The following LPCAT1 variants were observed in gnomAD, a reference collection of about 807,000 sequenced individuals.
The protein encoded by LPCAT1 is lysophosphatidylcholine acyltransferase 1.
Under a neutral mutation model 60.9 loss-of-function variants are expected in LPCAT1, and 23 were observed. The ratio of observed to expected loss-of-function variants is 0.38; its 90% CI spans 0.27 to 0.53. The LOEUF (loss-of-function observed/expected upper bound fraction) is 0.53. LPCAT1 is among the 20% of genes least tolerant of loss of function. The pLI, the probability that LPCAT1 is intolerant of heterozygous loss-of-function variation, is 0.82. For missense variants in LPCAT1, 622 were observed against 723.6 expected, an observed-to-expected ratio of 0.86 and a Z score of 1.61; for synonymous variants, 340 against 301.1, an observed-to-expected ratio of 1.13 and a Z score of -1.34.
chr5:1,494,824 C>T lies in LPCAT1; in HGVS notation c.369G>A (p.Leu123=). 6.2e-7 allele frequency: 1 copy of T among 1,613,520 alleles called. No individual in the cohort carries two copies. The highest frequency in any genetic ancestry group is 1.7e-5 in the Admixed American group (1 of 60,012). The change falls in exon 3 of 14, where the codon CTG becomes CTA. Residue 123 remains leucine (L), a synonymous_variant. Transcript: ENST00000283415. ...HRVAVKGRQA[L]PTEAAILTLA... ...GCGTGAGGATGGCCGCCTCGGTGGGCAGCGCCTGCCGCCCCTTCACGGCCA... is the reference window on the plus strand; with the variant it reads ...GCGTGAGGATGGCCGCCTCGGTGGGTAGCGCCTGCCGCCCCTTCACGGCCA...
chr5:1,503,695 C>G (rs574380737), intron 1 of LPCAT1, among the ~76,000 whole-genome samples: 1 of 152,222 alleles, frequency 6.6e-6, no homozygotes, highest in Non-Finnish European at 1.5e-5. Context: ...AGCTCCTGAC[C>G]GTTGCTTCAC....
At chr5:1,491,681 C>A (rs949897504) in intron 3 of LPCAT1, among the ~76,000 whole-genome samples, 1 of 152,096 alleles carries the variant, frequency 6.6e-6, no homozygotes, top group Non-Finnish European at 1.5e-5. Context: ...CTGGGACTGG[C>A]GCATTTTGCC....
At chr5:1,468,299 A>C (rs1734522565) in intron 12 of LPCAT1, among the ~76,000 whole-genome samples, 1 of 152,196 alleles carries the variant, frequency 6.6e-6, no homozygotes, top group Admixed American at 6.5e-5. Flanking sequence ...TCCTGCTTTT[A>C]GATTTGCTGA....
At chr5:1,479,926 C>T (rs1735069049) in intron 7 of LPCAT1, among the ~76,000 whole-genome samples, 1 of 151,802 alleles carries the variant, frequency 6.6e-6, no homozygotes, top group Admixed American at 6.5e-5. Flanking sequence ...GACACCATCT[C>T]CTGCTTGTTC....
intron 1 of LPCAT1, among the ~76,000 whole-genome samples, chr5:1,503,299 G>A (rs760112768): frequency 7.2e-5 from 11 of 152,176 alleles, no homozygotes; most frequent in African/African-American, 2.7e-4. Context: ...GTTCCACATC[G>A]TGTTACTGGC....
chr5:1,518,964 C>T (rs4406174), intron 1 of LPCAT1, among the ~76,000 whole-genome samples: 14,016 of 152,300 alleles, frequency 0.092, 841 homozygotes, highest in East Asian at 0.17. Flanking sequence ...CTGCAGGAAG[C>T]GTGCAGAGCA....
chr5:1,470,996 G>C, intron 11 of LPCAT1, 72 bp from the exon 12 acceptor site: 1 of 1,216,088 alleles, frequency 8.2e-7, no homozygotes, highest in Non-Finnish European at 1.2e-6. Flanking sequence ...GTTTCCCATG[G>C]GTGCTGGTGT....
chr5:1,473,573 C>T (rs796581686), intron 11 of LPCAT1, among the ~76,000 whole-genome samples: 38 of 152,316 alleles, frequency 2.5e-4, no homozygotes, highest in Middle Eastern at 3.4e-3. Context: ...GCCTCTAAGC[C>T]GATCATAGAG....
Position 1,463,504 on chromosome 5 carries a change from A to C in LPCAT1, c.*147T>G, listed in dbSNP as rs1734191717. ...CACACTTCACAAAGGAACAAGATAC[A>C]AACAGCCCCCGAGGCCCCTGGAACT... On this transcript the variant is annotated 3_prime_UTR_variant, in exon 14 of 14. Coordinates refer to ENST00000283415, the MANE Select transcript of LPCAT1 (RefSeq NM_024830.5). 1.2e-6 allele frequency: 1 copy of C among 803,008 alleles called. No individual in the cohort carries two copies. Among genetic ancestry groups the C allele is most frequent in the African/African-American group, 1.7e-5 (1 of 57,426 alleles). 49.7% of individuals were successfully genotyped at this position (803,008 alleles called of 1,614,324 possible).
intron 1 of LPCAT1, among the ~76,000 whole-genome samples, chr5:1,514,803 C>T (rs752990040): frequency 6.6e-6 from 1 of 152,140 alleles, no homozygotes; most frequent in Admixed American, 6.5e-5. Context: ...CAGGACCCCA[C>T]CTTCCACCTC....
chr5:1,472,946 C>T (rs1485087539), intron 11 of LPCAT1, among the ~76,000 whole-genome samples: 1 of 152,144 alleles, frequency 6.6e-6, no homozygotes, highest in Non-Finnish European at 1.5e-5. Context: ...ACTCTGCATA[C>T]TTGCGGGGCA....
At chr5:1,464,919 T>G in intron 13 of LPCAT1, among the ~76,000 whole-genome samples, 1 of 146,986 alleles carries the variant, frequency 6.8e-6, no homozygotes, top group Non-Finnish European at 1.5e-5. Context: ...CACACATGCG[T>G]GCACACACAA....
Position 1,467,693 on chromosome 5 carries a change from G to A in LPCAT1, c.1279-803C>T, listed in dbSNP as rs558860503. On this transcript the variant is annotated intron_variant, in intron 12 of 13. Coordinates refer to ENST00000283415, the MANE Select transcript of LPCAT1 (RefSeq NM_024830.5). Reference sequence around the variant, plus strand: ...CACTTCGGCTCCCTGTGGGGTGCAGGGTCCTGCCCCAGCCCTTTAGGCTCG... The same window carrying A: ...CACTTCGGCTCCCTGTGGGGTGCAGAGTCCTGCCCCAGCCCTTTAGGCTCG... Among the ~76,000 whole-genome samples, 12 of 151,604 alleles carry A rather than the reference G, an allele frequency of 7.9e-5. No individual in the cohort carries two copies. The South Asian group carries it at 2.5e-3, about 31-fold the overall frequency.
chr5:1,483,328 G>T lies in LPCAT1; in HGVS notation c.726+100C>A. 1 of 1,242,368 alleles carries T rather than the reference G, an allele frequency of 8.0e-7. No homozygotes were observed. Among genetic ancestry groups the T allele is most frequent in the Non-Finnish European group, 1.2e-6 (1 of 843,938 alleles). 77.0% of individuals were successfully genotyped at this position (1,242,368 alleles called of 1,614,324 possible). On this transcript the variant is annotated intron_variant, in intron 6 of 13. Transcript: ENST00000283415. This position sits in a 1 kb window ranked among gnomAD's most constrained non-coding sequence, Gnocchi z 9.2. Reference sequence around the variant, plus strand: ...AAGTGTGGGCTGTGGCGCAGATAAAGGGTGTGGAGAGACAGAGACACAGGT... The same window carrying T: ...AAGTGTGGGCTGTGGCGCAGATAAATGGTGTGGAGAGACAGAGACACAGGT...
intron 1 of LPCAT1, among the ~76,000 whole-genome samples, chr5:1,519,133 A>G (rs1736595684): frequency 6.6e-6 from 1 of 152,256 alleles, no homozygotes; most frequent in Admixed American, 6.5e-5. Context: ...GAGTGCAAAG[A>G]CAGTGTCCGT....
At chr5:1,479,499 GA>G (rs1735047201) in intron 8 of LPCAT1, 121 bp downstream of exon 8, 1 of 752,864 alleles carries the variant, frequency 1.3e-6, no homozygotes, top group African/African-American at 1.7e-5. Flanking sequence ...GAAACGGAAA[GA>G]TGGGAAAGCA....
In LPCAT1 at chr5:1,480,567, C is replaced by T. The variant is rs186458896; in HGVS notation, c.761+375G>A. On this transcript the variant is annotated intron_variant, in intron 7 of 13. Transcript: ENST00000283415. This position sits in a 1 kb window ranked among gnomAD's most constrained non-coding sequence, Gnocchi z 6.4. ...TGACTCACAGCAGGGGCTGGCCTCC[C>T]ACCCAGCACTACTCAGTCTCTGTGC... Among the ~76,000 whole-genome samples, 2 of 152,192 alleles carry T rather than the reference C, an allele frequency of 1.3e-5. No homozygotes were observed. Among genetic ancestry groups the T allele is most frequent in the Non-Finnish European group, 1.5e-5 (1 of 68,024 alleles).
chr5:1,493,779 C>T (rs1735677324), intron 3 of LPCAT1, among the ~76,000 whole-genome samples: 1 of 152,236 alleles, frequency 6.6e-6, no homozygotes. Context: ...GGATGCGGCC[C>T]CCAAAGATGG....
chr5:1,518,050 G>A (rs1036747970), intron 1 of LPCAT1, among the ~76,000 whole-genome samples: 1 of 152,242 alleles, frequency 6.6e-6, no homozygotes. Flanking sequence ...AAGTGAACCC[G>A]CAGGGCTGAC....
Sources: allele counts gnomAD v4.1 joint callset (sites outside exome capture counted in the v4.1 genomes callset), GRCh38; gene constraint gnomAD v4.1.1; non-coding constraint Gnocchi (gnomAD v3.1); transcripts MANE v1.5; gene names NCBI Gene and HGNC (gene_info 2026-07-23, HGNC 2026-07-21).